The following TANC2 variants were observed in gnomAD, a reference collection of about 807,000 sequenced individuals.
TANC2 encodes the protein tetratricopeptide repeat, ankyrin repeat and coiled-coil containing 2.
In TANC2, 26 loss-of-function variants were observed where a neutral mutation model predicts 210.5. That is an observed-to-expected ratio of 0.12 (90% CI 0.09 to 0.17). The LOEUF (loss-of-function observed/expected upper bound fraction) is 0.17, where lower values mean the gene tolerates loss of function less well. TANC2 is among the 10% of genes least tolerant of loss of function. TANC2 has a pLI of 1.00. For missense variants in TANC2, 2,129 were observed against 2,608.9 expected (o/e 0.82, Z 4.01); for synonymous variants, 931 against 967.1 (o/e 0.96, Z 0.69).
chr17:63,324,441 A>C (rs948357316), intron 11 of TANC2, among the ~76,000 whole-genome samples: 2 of 152,200 alleles, frequency 1.3e-5, no homozygotes, highest in African/African-American at 4.8e-5. Context: ...TTTAATATTG[A>C]GCATTTTGAA....
intron 13 of TANC2, 44 bp downstream of exon 13, chr17:63,351,460 A>G (rs1204130220): frequency 2.0e-6 from 3 of 1,503,320 alleles, no homozygotes; most frequent in African/African-American, 1.4e-5. Context: ...TTCCTCTTGG[A>G]AAGAGCTTAG....
chr17:63,316,480 C>T (rs1436317459), intron 10 of TANC2, among the ~76,000 whole-genome samples: 1 of 152,154 alleles, frequency 6.6e-6, no homozygotes, highest in Non-Finnish European at 1.5e-5. Flanking sequence ...CCCATGTACT[C>T]CCCAAAGCAG....
intron 10 of TANC2, among the ~76,000 whole-genome samples, chr17:63,318,604 CT>C (rs1190624334): frequency 6.6e-6 from 1 of 151,934 alleles, no homozygotes; most frequent in Non-Finnish European, 1.5e-5. Context: ...ATATATGGTC[CT>C]TTTTTTTACT....
chr17:63,220,711 A>ATATATATATATATATATATATATATAT (rs1466658581), intron 7 of TANC2, among the ~76,000 whole-genome samples: 1 of 128,740 alleles, frequency 7.8e-6, no homozygotes, highest in Non-Finnish European at 1.7e-5. Context: ...CTCAAAAAAA[A>ATATATATATATATATATATATATATAT]AAAAAAAAAT....
At chr17:63,143,996 G>GA (rs963821324) in intron 4 of TANC2, among the ~76,000 whole-genome samples, 4 of 151,862 alleles carry the variant, frequency 2.6e-5, no homozygotes, top group African/African-American at 9.7e-5. Flanking sequence ...TTAAAAAAAA[G>GA]AAAAAATTCT....
chr17:63,425,867 C>T (rs1042239981), exon 28 of TANC2: 2 of 152,300 alleles, frequency 1.3e-5, no homozygotes, highest in Non-Finnish European at 2.9e-5. Flanking sequence ...CCCCATGAGC[C>T]TCCCTCCTGT....
At chr17:63,402,282 C>T (rs1421081002) in intron 19 of TANC2, among the ~76,000 whole-genome samples, 1 of 152,178 alleles carries the variant, frequency 6.6e-6, no homozygotes, top group Non-Finnish European at 1.5e-5. Context: ...TGGAGGCCAT[C>T]TCAGAAACCT....
intron 10 of TANC2, among the ~76,000 whole-genome samples, chr17:63,317,229 G>A (rs1413782201): frequency 1.3e-5 from 2 of 152,126 alleles, no homozygotes; most frequent in African/African-American, 4.8e-5. Context: ...GAGCACCACT[G>A]CTGTGGAAGA....
chr17:63,329,404 C>A (rs931598472), intron 11 of TANC2, among the ~76,000 whole-genome samples: 1 of 152,004 alleles, frequency 6.6e-6, no homozygotes, highest in African/African-American at 2.4e-5. Flanking sequence ...TAAAGAAATG[C>A]AAACTAAATC....
chr17:63,317,107 A>G (rs1008921898), intron 10 of TANC2, among the ~76,000 whole-genome samples: 1 of 152,144 alleles, frequency 6.6e-6, no homozygotes, highest in African/African-American at 2.4e-5. Context: ...TAATAAAAAA[A>G]CATGGGAAAT....
At chr17:63,378,904 T>G (rs1316276790) in intron 14 of TANC2, among the ~76,000 whole-genome samples, 1 of 152,066 alleles carries the variant, frequency 6.6e-6, no homozygotes, top group East Asian at 1.9e-4. Context: ...TCGTGTTGAG[T>G]GTGAGGTACT....
rs573845947 is a variant in TANC2 at position 63,024,151 on chromosome 17, G to A, written c.67+14525G>A. ...AAAGGGGTCCCGATCCAGAGCCCAA[G>A]AGAGGGTTTTTGGATCCCGTGCAAG... On this transcript the variant is annotated intron_variant, in intron 2 of 27. Transcript: ENST00000689528. Among the ~76,000 whole-genome samples, 4 of 152,292 alleles carry A rather than the reference G, an allele frequency of 2.6e-5. 1 individual carries two copies. In the South Asian group the frequency reaches 8.3e-4, roughly 32 times the overall value.
intron 5 of TANC2, among the ~76,000 whole-genome samples, chr17:63,185,659 C>T (rs1481614469): frequency 1.3e-5 from 2 of 152,192 alleles, no homozygotes; most frequent in African/African-American, 2.4e-5. Context: ...TTGCCCCCTA[C>T]TGTCAGATGC....
chr17:63,291,370 A>C (rs979387924), intron 9 of TANC2, among the ~76,000 whole-genome samples: 1 of 152,172 alleles, frequency 6.6e-6, no homozygotes, highest in Non-Finnish European at 1.5e-5. Context: ...AAGTCTATAC[A>C]CATTTCTCTG....
At chr17:63,009,082 A>G (rs960197655) in intron 1 of TANC2, among the ~76,000 whole-genome samples, 3 of 152,094 alleles carry the variant, frequency 2.0e-5, no homozygotes, top group Admixed American at 1.3e-4. Flanking sequence ...GTTTTGTACT[A>G]TATATTTAAA....
chr17:63,055,992 T>TAA lies in TANC2; in HGVS notation c.68-17950_68-17949insAA, dbSNP rs2035787407. Among the ~76,000 whole-genome samples the TAA allele has an allele frequency of 2.8e-4, 3 of 10,800 alleles. 1 individual carries two copies. The highest frequency in any genetic ancestry group is 7.5e-4 in the Non-Finnish European group (3 of 3,998). 7.1% of individuals were successfully genotyped at this position (10,800 alleles called of 152,430 possible). ...AAAAAAAAAAAAAAAAAAAAAAAAA[T>TAA]ATATATATATATATATATATATATA... On this transcript the variant is annotated intron_variant, in intron 2 of 27. Coordinates refer to ENST00000689528, the Ensembl canonical transcript of TANC2.
At chr17:62,971,715 T>A (rs2143243902) in intron 1 of TANC2, among the ~76,000 whole-genome samples, 1 of 152,202 alleles carries the variant, frequency 6.6e-6, no homozygotes, top group Admixed American at 6.5e-5. Context: ...AGGAGGTGAG[T>A]GGCTGGCCAG....
intron 21 of TANC2, among the ~76,000 whole-genome samples, chr17:63,410,800 G>A (rs1039196805): frequency 1.5e-5 from 2 of 135,354 alleles, no homozygotes; most frequent in Non-Finnish European, 3.0e-5. Flanking sequence ...GGTGGAGGTT[G>A]CAGTGAGCCA....
Position 63,399,485 on chromosome 17 carries a change from C to T in TANC2, c.3331+571C>T, listed in dbSNP as rs79265525. On this transcript the variant is annotated intron_variant, in intron 19 of 27. Transcript: ENST00000689528. ...GTCTGTAGCAAATCAGTTTCTGTAT[C>T]GTTCGGTACAATGCAAACAGAAGCC... 9.9e-5 allele frequency among the ~76,000 whole-genome samples: 15 copies of T among 152,280 alleles called. 1 individual carries two copies. The East Asian group carries it at 2.9e-3, about 29-fold the overall frequency.
Sources: allele counts gnomAD v4.1 joint callset (sites outside exome capture counted in the v4.1 genomes callset), GRCh38; gene constraint gnomAD v4.1.1; transcripts MANE v1.5; gene names NCBI Gene and HGNC (gene_info 2026-07-23, HGNC 2026-07-21).